Variants in RLF observed in about 807,000 individuals in gnomAD.
RLF encodes the protein RLF zinc finger, also known as zinc finger protein Rlf.
Under a neutral mutation model 162.9 loss-of-function variants are expected in RLF, and 7 were observed. The observed-to-expected ratio is 0.04, with a 90% CI of 0.02 to 0.08. RLF has a LOEUF of 0.08. Ranked by LOEUF, RLF falls within the 10% of genes least tolerant of loss-of-function variation. The probability of loss-of-function intolerance (pLI) is 1.00; values close to 1 mark genes in which losing one functional copy is unlikely to be tolerated. For missense variants in RLF, 1,664 were observed against 2,244.7 expected (o/e 0.74, Z 5.23); for synonymous variants, 782 against 791.5 (o/e 0.99, Z 0.20).
At position 40,239,168 on chromosome 1, in the gene RLF, G is replaced by T; in HGVS notation, c.4466G>T (p.Arg1489Met). Residue 1489 changes from arginine (R) to methionine (M), a missense_variant, in exon 8 of 8, where the codon AGG (arginine) becomes ATG (methionine). This residue lies in a region of RLF where 200 missense variants were observed against 207.3 expected (regional missense o/e 0.96). Coordinates refer to ENST00000372771, the MANE Select transcript of RLF (RefSeq NM_012421.4). ...SQKVANERLL[R>M]SEKVCQTADT... ...AAAGTAGCAAATGAGAGACTACTAA[G>T]GAGTGAAAAGGTATGTCAAACAGCT... is the stretch of plus-strand genomic sequence containing the variant. The T allele has an allele frequency of 6.2e-7, 1 of 1,614,066 alleles. No homozygotes were observed. The highest frequency in any genetic ancestry group is 8.5e-7 in the Non-Finnish European group (1 of 1,180,022).
intron 4 of RLF, among the ~76,000 whole-genome samples, chr1:40,197,669 TATTA>T (rs1325262413): frequency 1.3e-5 from 2 of 152,194 alleles, no homozygotes; most frequent in Non-Finnish European, 2.9e-5. Flanking sequence ...ATTCAGTAAA[TATTA>T]ATTAAGCACT....
chr1:40,179,601 G>T (rs1202370094), intron 1 of RLF, among the ~76,000 whole-genome samples: 4 of 144,958 alleles, frequency 2.8e-5, no homozygotes, highest in East Asian at 4.0e-4. Context: ...CATAGAATTT[G>T]CCATCTTAAC....
intron 5 of RLF, among the ~76,000 whole-genome samples, chr1:40,220,154 A>T (rs1164094311): frequency 6.6e-6 from 1 of 152,098 alleles, no homozygotes; most frequent in African/African-American, 2.4e-5. Flanking sequence ...CTTGAACCTG[A>T]GAGGCAGAGG....
At chr1:40,187,724 A>G (rs1642500976) in intron 1 of RLF, among the ~76,000 whole-genome samples, 1 of 151,928 alleles carries the variant, frequency 6.6e-6, no homozygotes, top group Admixed American at 6.6e-5. Flanking sequence ...CTCTTTTTTT[A>G]AATGTTAAAG....
At chr1:40,232,731 G>T (rs1365697926) in intron 7 of RLF, among the ~76,000 whole-genome samples, 1 of 152,122 alleles carries the variant, frequency 6.6e-6, no homozygotes, top group Admixed American at 6.6e-5. Context: ...GTTGAGACAG[G>T]TCTCGCTCTG....
At chr1:40,208,130 T>C (rs1407074620) in intron 5 of RLF, among the ~76,000 whole-genome samples, 1 of 152,212 alleles carries the variant, frequency 6.6e-6, no homozygotes, top group Non-Finnish European at 1.5e-5. Flanking sequence ...GATTTAGTAG[T>C]AACTTGAATC....
chr1:40,198,516 G>A (rs1642669088), intron 4 of RLF, among the ~76,000 whole-genome samples: 1 of 151,974 alleles, frequency 6.6e-6, no homozygotes, highest in Admixed American at 6.6e-5. Context: ...GGTCAGGCTG[G>A]TCTCGAACTC....
intron 3 of RLF, among the ~76,000 whole-genome samples, chr1:40,195,360 A>G (rs1393199565): frequency 6.6e-6 from 1 of 151,628 alleles, no homozygotes; most frequent in Non-Finnish European, 1.5e-5. Flanking sequence ...GAGGCAGGAT[A>G]ATTGCTTGAA....
At chr1:40,223,958 A>G (rs1643029617) in intron 6 of RLF, among the ~76,000 whole-genome samples, 1 of 152,266 alleles carries the variant, frequency 6.6e-6, no homozygotes, top group African/African-American at 2.4e-5. Flanking sequence ...ACCTCCTGTG[A>G]GAAAGGAGAT....
At position 40,189,057 on chromosome 1, in the gene RLF, C is replaced by T. The variant is rs1171353028; in HGVS notation, c.240C>T (p.Thr80=). Residue 80 remains threonine (T), a splice_region_variant and synonymous_variant, in exon 2 of 8, where the codon ACC becomes ACT. Coordinates refer to ENST00000372771, the MANE Select transcript of RLF (RefSeq NM_012421.4). ...TAATTTTTAATTTTATTTTGTAGAC[C>T]TTATTGCAATATGCAAGCAACAAGA... is the stretch of plus-strand genomic sequence containing the variant. ...SLNYCRSFCQ[T]LLQYASNKNA... 1.2e-5 allele frequency: 18 copies of T among 1,563,634 alleles called. No homozygotes were observed. Among genetic ancestry groups the T allele is most frequent in the Non-Finnish European group, 1.3e-5 (15 of 1,148,638 alleles).
intron 5 of RLF, among the ~76,000 whole-genome samples, chr1:40,212,672 A>G (rs528957673): frequency 2.0e-5 from 3 of 152,298 alleles, no homozygotes; most frequent in Admixed American, 1.3e-4. Context: ...AATGAACTAC[A>G]TCTTCGGTAT....
chr1:40,235,932 A>G lies in RLF; in HGVS notation c.1230A>G (p.Arg410=). 1 of 1,614,160 alleles carries G rather than the reference A, an allele frequency of 6.2e-7. No individual in the cohort carries two copies. Among genetic ancestry groups the G allele is most frequent in the Non-Finnish European group, 8.5e-7 (1 of 1,180,014 alleles). ...TACCAGAAGATTTAGAAGTTAGACG[A>G]GCCTGTCAGCTTACAGAATTCTTAA... ...CLLPEDLEVR[R]ACQLTEFLIE... Residue 410 remains arginine, a synonymous_variant, in exon 8 of 8, where the codon CGA becomes CGG. Transcript: ENST00000372771.
At chr1:40,224,518 A>C in intron 6 of RLF, among the ~76,000 whole-genome samples, 1 of 128,578 alleles carries the variant, frequency 7.8e-6, no homozygotes, top group East Asian at 2.8e-4. Flanking sequence ...CTTGTGATCC[A>C]CTGCCTCAGC....
intron 1 of RLF, among the ~76,000 whole-genome samples, chr1:40,166,091 G>A (rs999055728): frequency 1.3e-5 from 2 of 152,148 alleles, no homozygotes; most frequent in Admixed American, 6.6e-5. Context: ...CATAAACGTG[G>A]TGCCTACATA....
At chr1:40,216,706 A>G (rs543374100) in intron 5 of RLF, among the ~76,000 whole-genome samples, 7 of 152,198 alleles carry the variant, frequency 4.6e-5, no homozygotes, top group African/African-American at 1.2e-4. Flanking sequence ...AACTTATGCT[A>G]TGAAGCCAGT....
chr1:40,216,611 C>G (rs1412859604), intron 5 of RLF, among the ~76,000 whole-genome samples: 1 of 152,158 alleles, frequency 6.6e-6, no homozygotes, highest in Non-Finnish European at 1.5e-5. Flanking sequence ...TCCACAGGGC[C>G]TCACTGTACA....
chr1:40,191,082 T>C (rs1037408686), intron 3 of RLF, among the ~76,000 whole-genome samples: 4 of 152,218 alleles, frequency 2.6e-5, no homozygotes, highest in Admixed American at 1.3e-4. Context: ...AAAAGTTTCA[T>C]TATTCAAACA....
intron 5 of RLF, among the ~76,000 whole-genome samples, chr1:40,212,021 G>T (rs1242380201): frequency 6.6e-6 from 1 of 152,256 alleles, no homozygotes; most frequent in Admixed American, 6.5e-5. Flanking sequence ...AATTACTAGT[G>T]AGTCACCAGA....
chr1:40,216,047 AAAGAG>A (rs1278291283), intron 5 of RLF, among the ~76,000 whole-genome samples: 1 of 152,128 alleles, frequency 6.6e-6, no homozygotes, highest in Admixed American at 6.5e-5. Context: ...GAACAAGAAC[AAAGAG>A]AATACTCAAA....
Sources: gnomAD v4.1 joint callset for allele counts (sites outside exome capture counted in the v4.1 genomes callset) on GRCh38, gnomAD v4.1.1 for gene constraint, gnomAD v4.1.1 regional missense constraint, MANE v1.5 for transcripts, NCBI Gene and HGNC (gene_info 2026-07-23, HGNC 2026-07-21) for gene names.